Variants in SGCZ observed in about 807,000 individuals in gnomAD.
SGCZ encodes zeta-sarcoglycan.
SGCZ carries 40 observed loss-of-function variants against 41.3 expected under a neutral mutation model. That is an observed-to-expected ratio of 0.97 (90% confidence interval 0.75 to 1.26). SGCZ has a LOEUF of 1.26. Among genes scored for constraint, SGCZ ranks in the 50% most tolerant of loss-of-function variants. The pLI is 0.00. For synonymous variants in SGCZ, 206 were observed against 137.5 expected, an observed-to-expected ratio of 1.50 and a Z score of -3.49; for missense variants, 552 against 369.8, an observed-to-expected ratio of 1.49 and a Z score of -4.04.
chr8:14,231,642 T>G (rs2117150907), intron 4 of SGCZ, among the ~76,000 whole-genome samples: 1 of 152,272 alleles, frequency 6.6e-6, no homozygotes. Flanking sequence ...AACTACCCTT[T>G]TTGTTATGAA....
At chr8:14,523,601 G>C (rs776327096) in intron 2 of SGCZ, among the ~76,000 whole-genome samples, 4 of 151,780 alleles carry the variant, frequency 2.6e-5, no homozygotes, top group African/African-American at 4.8e-5. Flanking sequence ...AATTATTTTT[G>C]TTTGGTTTTT....
At chr8:14,670,933 T>A (rs969921683) in intron 1 of SGCZ, among the ~76,000 whole-genome samples, 1 of 152,186 alleles carries the variant, frequency 6.6e-6, no homozygotes, top group African/African-American at 2.4e-5. Context: ...AGTACACAGG[T>A]TGAAGCCAAG....
intron 3 of SGCZ, among the ~76,000 whole-genome samples, chr8:14,295,204 G>T: frequency 6.6e-6 from 1 of 152,114 alleles, no homozygotes; most frequent in Admixed American, 6.6e-5. Flanking sequence ...CTGGTGAAAT[G>T]AATAGGAAAC....
intron 1 of SGCZ, among the ~76,000 whole-genome samples, chr8:14,792,527 C>A (rs1800989239): frequency 6.6e-6 from 1 of 152,054 alleles, no homozygotes; most frequent in African/African-American, 2.4e-5. Context: ...CTTGTGCCAT[C>A]ATTTTACTTG....
At chr8:14,474,879 T>G (rs577233051) in intron 2 of SGCZ, among the ~76,000 whole-genome samples, 12 of 152,296 alleles carry the variant, frequency 7.9e-5, no homozygotes, top group African/African-American at 2.4e-4. Context: ...TTCCAAAATG[T>G]GTGAGATAAA....
intron 2 of SGCZ, among the ~76,000 whole-genome samples, chr8:14,394,877 G>T (rs567317256): frequency 2.0e-5 from 3 of 152,252 alleles, no homozygotes; most frequent in South Asian, 2.1e-4. Context: ...TTATGTCAGT[G>T]CATGGGTGAT....
At chr8:14,220,198 G>T (rs1806143961) in intron 4 of SGCZ, among the ~76,000 whole-genome samples, 1 of 152,110 alleles carries the variant, frequency 6.6e-6, no homozygotes, top group Non-Finnish European at 1.5e-5. Flanking sequence ...AGCCCCAACT[G>T]AACTGAACTG....
chr8:14,990,194 C>T (rs1037436971), intron 1 of SGCZ, among the ~76,000 whole-genome samples: 3 of 152,044 alleles, frequency 2.0e-5, no homozygotes, highest in African/African-American at 7.2e-5. Context: ...ATCAAAGCCT[C>T]GTGCTTAGAG....
intron 1 of SGCZ, among the ~76,000 whole-genome samples, chr8:14,873,720 T>C (rs1183253132): frequency 1.3e-5 from 2 of 152,140 alleles, no homozygotes; most frequent in Non-Finnish European, 2.9e-5. Flanking sequence ...TAACCCCAGC[T>C]CCTTCCACTG....
At chr8:14,734,018 GT>G (rs1798952024) in intron 1 of SGCZ, among the ~76,000 whole-genome samples, 1 of 152,166 alleles carries the variant, frequency 6.6e-6, no homozygotes, top group Non-Finnish European at 1.5e-5. Flanking sequence ...AGCTGAACTA[GT>G]TTTCTAAACC....
chr8:14,723,713 T>C (rs1042496629), intron 1 of SGCZ, among the ~76,000 whole-genome samples: 1 of 152,098 alleles, frequency 6.6e-6, no homozygotes, highest in Non-Finnish European at 1.5e-5. Flanking sequence ...TATGCATACA[T>C]ATGTCTATAT....
At chr8:15,121,962 G>A (rs1213061164) in intron 1 of SGCZ, among the ~76,000 whole-genome samples, 1 of 149,658 alleles carries the variant, frequency 6.7e-6, no homozygotes, top group Non-Finnish European at 1.5e-5. Context: ...CAGATAGTAT[G>A]GAAGCGAAAG....
At chr8:15,167,756 A>G (rs1164395110) in intron 1 of SGCZ, among the ~76,000 whole-genome samples, 1 of 152,144 alleles carries the variant, frequency 6.6e-6, no homozygotes, top group Non-Finnish European at 1.5e-5. Flanking sequence ...TAAACTCACT[A>G]GTTGTCTTAA....
chr8:14,492,531 T>A (rs576607728), intron 2 of SGCZ, among the ~76,000 whole-genome samples: 1 of 152,304 alleles, frequency 6.6e-6, no homozygotes, highest in South Asian at 2.1e-4. Context: ...GCCCAATTAT[T>A]TACTCCTCAA....
intron 3 of SGCZ, among the ~76,000 whole-genome samples, chr8:14,318,175 G>T (rs1342587532): frequency 6.6e-6 from 1 of 151,230 alleles, no homozygotes; most frequent in Non-Finnish European, 1.5e-5. Flanking sequence ...AAGAAAGAAA[G>T]AAAGAAACAA....
At chr8:15,022,043 T>C (rs2130943854) in intron 1 of SGCZ, among the ~76,000 whole-genome samples, 1 of 152,348 alleles carries the variant, frequency 6.6e-6, no homozygotes, top group Middle Eastern at 3.4e-3. Flanking sequence ...TGCTATAAAC[T>C]GGTCCTTCTG....
chr8:14,281,686 C>A (rs923006850), intron 3 of SGCZ, among the ~76,000 whole-genome samples: 4 of 151,958 alleles, frequency 2.6e-5, no homozygotes, highest in African/African-American at 9.7e-5. Flanking sequence ...GGCATTGCTT[C>A]TGAATTTAAA....
At chr8:15,173,833 G>A (rs1799919642) in intron 1 of SGCZ, among the ~76,000 whole-genome samples, 1 of 152,066 alleles carries the variant, frequency 6.6e-6, no homozygotes, top group South Asian at 2.1e-4. Flanking sequence ...TTGACCTCTA[G>A]GGCTCAAGTG....
chr8:15,162,422 G>T (rs1482934070), intron 1 of SGCZ, among the ~76,000 whole-genome samples: 1 of 152,126 alleles, frequency 6.6e-6, no homozygotes, highest in East Asian at 1.9e-4. Context: ...CTTTCTTACA[G>T]CTACTTGTAA....
Sources: gnomAD v4.1 joint callset for allele counts (sites outside exome capture counted in the v4.1 genomes callset) on GRCh38, gnomAD v4.1.1 for gene constraint, MANE v1.5 for transcripts, NCBI Gene and HGNC (gene_info 2026-07-23, HGNC 2026-07-21) for gene names.